Variants in PCDHGA10 observed in about 807,000 individuals in gnomAD.
PCDHGA10 encodes the protein protocadherin gamma subfamily A, 10.
PCDHGA10 carries 42 observed loss-of-function variants against 59.5 expected under a neutral mutation model. The observed-to-expected ratio is 0.71, with a 90% CI of 0.55 to 0.91. PCDHGA10 has a LOEUF of 0.91. PCDHGA10 is among the 40% of genes least tolerant of loss of function. PCDHGA10 has a pLI of 0.00. For synonymous variants in PCDHGA10, 511 were observed against 517.2 expected (o/e 0.99, Z 0.16); for missense variants, 1,111 against 1,198.2 (o/e 0.93, Z 1.07).
At chr5:141,417,699 C>A (rs2096148616) in intron 1 of PCDHGA10, 1 of 1,164,548 alleles carries the variant, frequency 8.6e-7, no homozygotes, top group Non-Finnish European at 1.2e-6. Context: ...AACCAGCTCC[C>A]ACACAGAGGC....
intron 3 of PCDHGA10, among the ~76,000 whole-genome samples, chr5:141,510,373 T>TC (rs112437269): frequency 0.25 from 37,727 of 151,394 alleles, 4,765 homozygotes; most frequent in Admixed American, 0.33. Context: ...GAATCTCTAC[T>TC]CGTGCCAGGC....
At chr5:141,472,998 GAAAGAA>G (rs1489589280) in intron 1 of PCDHGA10, among the ~76,000 whole-genome samples, 8 of 134,744 alleles carry the variant, frequency 5.9e-5, no homozygotes, top group South Asian at 2.3e-4. Flanking sequence ...AAAAAAAAAA[GAAAGAA>G]AAAGAAAAAG....
chr5:141,418,891 C>G (rs774546487), intron 1 of PCDHGA10: 4 of 1,613,842 alleles, frequency 2.5e-6, no homozygotes, highest in East Asian at 2.2e-5. Context: ...ACGACAACAG[C>G]CCAGAAATAA....
At chr5:141,434,199 T>G (rs1406339464) in intron 1 of PCDHGA10, among the ~76,000 whole-genome samples, 1 of 151,914 alleles carries the variant, frequency 6.6e-6, no homozygotes, top group Non-Finnish European at 1.5e-5. Context: ...CCAATGTACT[T>G]ACTTCTGTCA....
intron 2 of PCDHGA10, among the ~76,000 whole-genome samples, chr5:141,499,573 A>AT (rs2099792803): frequency 1.3e-5 from 2 of 152,108 alleles, no homozygotes; most frequent in Non-Finnish European, 2.9e-5. Context: ...AGCTTCAACT[A>AT]ATGCCTTATC....
intron 1 of PCDHGA10, among the ~76,000 whole-genome samples, chr5:141,494,469 C>T (rs2099754623): frequency 6.6e-6 from 1 of 152,114 alleles, no homozygotes; most frequent in Non-Finnish European, 1.5e-5. Flanking sequence ...GCACCTCTTC[C>T]CCCAGTTCCA....
intron 1 of PCDHGA10, among the ~76,000 whole-genome samples, chr5:141,465,140 G>A (rs1019369475): frequency 5.3e-5 from 8 of 151,554 alleles, no homozygotes; most frequent in Non-Finnish European, 7.4e-5. Context: ...AAGTTTAGGG[G>A]ATATATGAAG....
Position 141,432,938 on chromosome 5 carries a change from G to C in PCDHGA10, c.2436+17327G>C. ...CTGGCACAAGTCACGCCTGCTGCAG[G>C]CTTCAGGAGGCGGCTTGACAGGAGC... On this transcript the variant is annotated intron_variant, in intron 1 of 3. Transcript: ENST00000398610. The surrounding 1 kb of genome is among the most constrained non-coding windows in gnomAD (Gnocchi z 6.0). 2 of 1,614,192 alleles carry C rather than the reference G, an allele frequency of 1.2e-6. No homozygotes were observed. Among genetic ancestry groups the C allele is most frequent in the South Asian group, 2.2e-5 (2 of 91,086 alleles).
intron 2 of PCDHGA10, among the ~76,000 whole-genome samples, chr5:141,495,223 G>T (rs924599140): frequency 6.6e-6 from 1 of 152,208 alleles, no homozygotes; most frequent in South Asian, 2.1e-4. Flanking sequence ...CCTGAGTTGA[G>T]CTGGGCTCCA....
intron 1 of PCDHGA10, chr5:141,421,662 G>C: frequency 5.6e-6 from 9 of 1,613,844 alleles, no homozygotes; most frequent in Non-Finnish European, 7.6e-6. Context: ...AAGTCAGTGA[G>C]CACGCAATTC....
chr5:141,427,205 C>T lies in PCDHGA10; in HGVS notation c.2436+11594C>T, dbSNP rs73280903. 3.4e-3 allele frequency: 1,562 copies of T among 456,606 alleles called. 21 individuals carry two copies. Among genetic ancestry groups the T allele is most frequent in the African/African-American group, 0.028 (1,422 of 50,136 alleles). 28.3% of individuals were successfully genotyped at this position (456,606 alleles called of 1,614,324 possible). Reference sequence around the variant, plus strand: ...TTAAATCCAAAGACTTAATAGACTTCGAATTTCGTAGCAGTTATACCATGA... The same window carrying T: ...TTAAATCCAAAGACTTAATAGACTTTGAATTTCGTAGCAGTTATACCATGA... On this transcript the variant is annotated intron_variant, in intron 1 of 3. Transcript: ENST00000398610.
chr5:141,508,026 T>A (rs972124070), intron 3 of PCDHGA10: 3 of 152,314 alleles, frequency 2.0e-5, no homozygotes, highest in African/African-American at 7.2e-5. Context: ...GGCTGCGGTT[T>A]GCAGCTCAGC....
chr5:141,501,508 C>A (rs1378333182), intron 2 of PCDHGA10, among the ~76,000 whole-genome samples: 1 of 151,960 alleles, frequency 6.6e-6, no homozygotes, highest in Non-Finnish European at 1.5e-5. Flanking sequence ...GGCTCCAAGG[C>A]CTCCAAGCTG....
intron 2 of PCDHGA10, among the ~76,000 whole-genome samples, chr5:141,505,026 G>A (rs190826538): frequency 4.6e-5 from 7 of 152,316 alleles, no homozygotes; most frequent in African/African-American, 1.7e-4. Context: ...GCCTGGCACA[G>A]TGGCAGGTGC....
At chr5:141,443,209 C>T (rs1183847804) in intron 1 of PCDHGA10, among the ~76,000 whole-genome samples, 2 of 152,030 alleles carry the variant, frequency 1.3e-5, no homozygotes, top group African/African-American at 2.4e-5. Flanking sequence ...GAGCTTGTCT[C>T]GCCAGGCGCA....
Position 141,414,897 on chromosome 5 carries a change from C to G in PCDHGA10, c.1722C>G (p.Asp574Glu). 1 of 1,614,230 alleles carries G rather than the reference C, an allele frequency of 6.2e-7. No homozygotes were observed. The highest frequency in any genetic ancestry group is 8.5e-7 in the Non-Finnish European group (1 of 1,180,046). Residue 574 changes from aspartate (D) to glutamate (E), a missense_variant, in exon 1 of 4, where the codon GAC becomes GAG. Asp to Glu is a conservative substitution (Grantham distance 45). Transcript: ENST00000398610. ...PEILYPALPT[D>E]GSTGVELAPR... ...TCCTGTACCCCGCCCTCCCCACAGA[C>G]GGTTCCACAGGCGTGGAGCTGGCGC...
intron 1 of PCDHGA10, among the ~76,000 whole-genome samples, chr5:141,425,406 T>C (rs915792432): frequency 3.9e-5 from 6 of 152,222 alleles, no homozygotes; most frequent in Non-Finnish European, 7.3e-5. Flanking sequence ...TCTGTTAAGG[T>C]ATAACATATA....
At position 141,485,413 on chromosome 5, in the gene PCDHGA10, C is replaced by T; in HGVS notation, c.2437-9394C>T. ...AAAGACACTTCCGTGTGGATTTGGA[C>T]AGCGGAGCCCTGCTCATCAAGAACC... On this transcript the variant is annotated intron_variant, in intron 1 of 3. Transcript: ENST00000398610. The surrounding 1 kb of genome is among the most constrained non-coding windows in gnomAD (Gnocchi z 5.7). The T allele has an allele frequency of 6.2e-7, 1 of 1,614,158 alleles. No individual in the cohort carries two copies. The highest frequency in any genetic ancestry group is 8.5e-7 in the Non-Finnish European group (1 of 1,180,030).
Position 141,489,968 on chromosome 5 carries a change from A to G in PCDHGA10, c.2437-4839A>G. 6.2e-7 allele frequency: 1 copy of G among 1,614,146 alleles called. No homozygotes were observed. The highest frequency in any genetic ancestry group is 2.2e-5 in the East Asian group (1 of 44,880). On this transcript the variant is annotated intron_variant, in intron 1 of 3. Coordinates refer to ENST00000398610, the MANE Select transcript of PCDHGA10 (RefSeq NM_018913.3). This position sits in a 1 kb window ranked among gnomAD's most constrained non-coding sequence, Gnocchi z 4.5. Reference sequence around the variant, plus strand: ...ATCAATGATAATGCTCCAACCTTCCAATCCTCAGTTCTACGTGTGGGAATC... The same window carrying G: ...ATCAATGATAATGCTCCAACCTTCCGATCCTCAGTTCTACGTGTGGGAATC...
Sources: gnomAD v4.1 joint callset for allele counts (sites outside exome capture counted in the v4.1 genomes callset) on GRCh38, gnomAD v4.1.1 for gene constraint, Gnocchi (gnomAD v3.1) non-coding constraint, MANE v1.5 for transcripts, NCBI Gene and HGNC (gene_info 2026-07-23, HGNC 2026-07-21) for gene names.